Variants in SLC26A8 observed in about 807,000 individuals in gnomAD.
SLC26A8 encodes the protein solute carrier family 26 member 8.
Under a neutral mutation model 105.0 loss-of-function variants are expected in SLC26A8, and 70 were observed. The ratio of observed to expected loss-of-function variants is 0.67; its 90% CI spans 0.55 to 0.81. SLC26A8 has a LOEUF of 0.81. Ranked by LOEUF, SLC26A8 falls within the 40% of genes least tolerant of loss-of-function variation. SLC26A8 has a pLI of 0.00. For synonymous variants in SLC26A8, 415 were observed against 438.3 expected (o/e 0.95, Z 0.66); for missense variants, 998 against 1,181.8 (o/e 0.84, Z 2.28).
At chr6:35,962,885 C>T (rs746046173) in intron 11 of SLC26A8, among the ~76,000 whole-genome samples, 1 of 152,134 alleles carries the variant, frequency 6.6e-6, no homozygotes, top group Non-Finnish European at 1.5e-5. Context: ...CTCATTGCAG[C>T]CTTGAACTCC....
chr6:36,009,409 G>A (rs6906520), intron 3 of SLC26A8, among the ~76,000 whole-genome samples: 33,322 of 151,324 alleles, frequency 0.22, 4,650 homozygotes, highest in African/African-American at 0.41. Context: ...TGTTCATATC[G>A]TCTATATGTG....
chr6:35,965,872 T>C (rs1483852124), intron 11 of SLC26A8, among the ~76,000 whole-genome samples: 4 of 150,954 alleles, frequency 2.6e-5, no homozygotes, highest in Non-Finnish European at 2.9e-5. Context: ...GTGCCTGTAA[T>C]CCCAGCTACT....
At chr6:35,984,824 C>T (rs948839695) in intron 7 of SLC26A8, among the ~76,000 whole-genome samples, 7 of 152,088 alleles carry the variant, frequency 4.6e-5, no homozygotes, top group African/African-American at 1.7e-4. Flanking sequence ...AAGGGAATTC[C>T]GAAGTTAACC....
intron 12 of SLC26A8, among the ~76,000 whole-genome samples, chr6:35,961,572 C>G (rs1367623210): frequency 1.3e-5 from 2 of 152,196 alleles, no homozygotes; most frequent in Admixed American, 6.5e-5. Context: ...ATATTTTCCT[C>G]ACCACCTGCC....
chr6:35,981,671 TA>T lies in SLC26A8; in HGVS notation c.1025+449del, dbSNP rs993568750. 3.3e-5 allele frequency among the ~76,000 whole-genome samples: 5 copies of T among 151,836 alleles called. No homozygotes were observed. Among genetic ancestry groups the T allele is most frequent in the African/African-American group, 1.2e-4 (5 of 41,342 alleles). On this transcript the variant is annotated intron_variant, in intron 8 of 19. Coordinates refer to ENST00000490799, the MANE Select transcript of SLC26A8 (RefSeq NM_052961.4). This position sits in a 1 kb window ranked among gnomAD's most constrained non-coding sequence, Gnocchi z 4.0. The stretch of plus-strand genomic sequence containing the variant: ...TGTCTCAAAAATAAATAAATAAATA[TA>T]TAAATAAATAAAACAGGGCATCTAT...
chr6:36,021,408 A>T (rs896262774), intron 1 of SLC26A8, among the ~76,000 whole-genome samples: 1 of 151,820 alleles, frequency 6.6e-6, no homozygotes, highest in African/African-American at 2.4e-5. Context: ...ATGTACTTCC[A>T]TGAGTAGTCT....
chr6:35,992,585 A>G lies in SLC26A8; in HGVS notation c.717T>C (p.His239=), dbSNP rs147711219. 2.5e-6 allele frequency: 4 copies of G among 1,614,196 alleles called. No homozygotes were observed. Among genetic ancestry groups the G allele is most frequent in the Non-Finnish European group, 3.4e-6 (4 of 1,180,024 alleles). The change falls in exon 6 of 20, where the codon CAT becomes CAC. Residue 239 remains histidine (H), a synonymous_variant. Coordinates refer to ENST00000490799, the MANE Select transcript of SLC26A8 (RefSeq NM_052961.4). ...MSAYLAAVAL[H]IMLSQLTFIF... ...TGAAAGTCAGCTGGGACAGCATGAT[A>G]TGAAGTGCCACAGCAGCCAGGTAAG...
chr6:35,945,114 T>C (rs1231578512), intron 19 of SLC26A8, among the ~76,000 whole-genome samples: 1 of 152,232 alleles, frequency 6.6e-6, no homozygotes, highest in Non-Finnish European at 1.5e-5. Flanking sequence ...CCTCCCAAAG[T>C]GCTGGGATTA....
intron 11 of SLC26A8, among the ~76,000 whole-genome samples, chr6:35,968,609 G>GTATATATATATATATATATA (rs55987809): frequency 1.7e-5 from 1 of 60,072 alleles, no homozygotes; most frequent in African/African-American, 5.2e-5. Flanking sequence ...GTGTGTGTGT[G>GTATATATATATATATATATA]TATATATATA....
chr6:35,953,242 CATCAA>C (rs1771942242), intron 17 of SLC26A8, among the ~76,000 whole-genome samples: 1 of 152,120 alleles, frequency 6.6e-6, no homozygotes, highest in Non-Finnish European at 1.5e-5. Flanking sequence ...AACAGAAAGT[CATCAA>C]CATGGGCCAG....
chr6:35,975,668 C>G lies in SLC26A8; in HGVS notation c.1174-180G>C, dbSNP rs79389418. 4.8e-3 allele frequency among the ~76,000 whole-genome samples: 729 copies of G among 151,938 alleles called. 8 individuals are homozygous for G. Among genetic ancestry groups the G allele is most frequent in the Non-Finnish European group, 7.8e-3 (531 of 67,940 alleles). ...GTGGCTCACACCTATAAGCTCAACA[C>G]TTTAGGAGGCTGAGGCTGGTGGATC... is the stretch of plus-strand genomic sequence containing the variant. On this transcript the variant is annotated intron_variant, in intron 9 of 19. Transcript: ENST00000490799.
At chr6:35,965,130 T>C (rs1242485682) in intron 11 of SLC26A8, among the ~76,000 whole-genome samples, 1 of 152,140 alleles carries the variant, frequency 6.6e-6, no homozygotes, top group African/African-American at 2.4e-5. Flanking sequence ...AGGTTACAAC[T>C]ATGCAAAGTG....
intron 3 of SLC26A8, among the ~76,000 whole-genome samples, chr6:36,002,034 C>T (rs1170502589): frequency 6.6e-6 from 1 of 152,200 alleles, no homozygotes; most frequent in Non-Finnish European, 1.5e-5. Flanking sequence ...ATATGGTCCT[C>T]ACATTGGTTG....
intron 8 of SLC26A8, among the ~76,000 whole-genome samples, chr6:35,979,116 T>C (rs1383624064): frequency 6.7e-6 from 1 of 149,654 alleles, no homozygotes; most frequent in African/African-American, 2.5e-5. Context: ...CCTCCCACAG[T>C]GCTGGGATTA....
intron 7 of SLC26A8, among the ~76,000 whole-genome samples, chr6:35,983,575 A>T (rs9462150): frequency 6.7e-6 from 1 of 148,866 alleles, no homozygotes; most frequent in South Asian, 2.1e-4. Flanking sequence ...TTTTGAAATG[A>T]AGTTTTGCTC....
Position 35,992,578 on chromosome 6 carries a change from G to A in SLC26A8, c.724C>T (p.Leu242=). 6.2e-7 allele frequency: 1 copy of A among 1,614,122 alleles called. No individual in the cohort carries two copies. Among genetic ancestry groups the A allele is most frequent in the Non-Finnish European group, 8.5e-7 (1 of 1,179,988 alleles). Reference sequence around the variant, plus strand: ...CCAAAGATGAAAGTCAGCTGGGACAGCATGATATGAAGTGCCACAGCAGCC... The same window carrying A: ...CCAAAGATGAAAGTCAGCTGGGACAACATGATATGAAGTGCCACAGCAGCC... ...YLAAVALHIM[L]SQLTFIFGIM... is the part of the protein sequence containing the mutation. The change falls in exon 6 of 20, where the codon CTG becomes TTG. Residue 242 remains leucine (L), a synonymous_variant. Coordinates refer to ENST00000490799, the MANE Select transcript of SLC26A8 (RefSeq NM_052961.4).
intron 10 of SLC26A8, 93 bp downstream of exon 10, chr6:35,975,282 A>C: frequency 3.5e-6 from 2 of 577,630 alleles, no homozygotes; most frequent in Non-Finnish European, 5.7e-6. Context: ...AACAGCAAGA[A>C]GATTAAACCC....
chr6:35,962,630 A>C lies in SLC26A8; in HGVS notation c.1366-9T>G. ...ATACCAGCCAGCACAGCCTGTGGGG[A>C]AAAGATAAATCATGGTTCATTTTCC... On this transcript the variant is annotated splice_polypyrimidine_tract_variant and intron_variant, in intron 11 of 19. Coordinates refer to ENST00000490799, the MANE Select transcript of SLC26A8 (RefSeq NM_052961.4). The C allele has an allele frequency of 6.2e-7, 1 of 1,613,372 alleles. No individual in the cohort carries two copies. The highest frequency in any genetic ancestry group is 8.5e-7 in the Non-Finnish European group (1 of 1,179,446).
chr6:36,007,549 C>T (rs1008064872), intron 3 of SLC26A8, among the ~76,000 whole-genome samples: 6 of 152,050 alleles, frequency 3.9e-5, no homozygotes, highest in Admixed American at 1.3e-4. Flanking sequence ...TAATGGAATA[C>T]CTATCAAAAT....
Sources: gnomAD v4.1 joint callset for allele counts (sites outside exome capture counted in the v4.1 genomes callset) on GRCh38, gnomAD v4.1.1 for gene constraint, Gnocchi (gnomAD v3.1) non-coding constraint, MANE v1.5 for transcripts, NCBI Gene and HGNC (gene_info 2026-07-23, HGNC 2026-07-21) for gene names.